The following DAB1 variants were observed in gnomAD, a reference collection of about 807,000 sequenced individuals.
DAB1 encodes disabled homolog 1.
A neutral mutation model predicts 64.6 loss-of-function variants in DAB1; 15 were observed. The observed-to-expected ratio is 0.23, with a 90% CI of 0.16 to 0.36. The LOEUF (loss-of-function observed/expected upper bound fraction) is 0.36, where lower values mean the gene tolerates loss of function less well. Ranked by LOEUF, DAB1 falls within the 10% of genes least tolerant of loss-of-function variation. The probability of loss-of-function intolerance (pLI) is 1.00; values close to 1 mark genes in which losing one functional copy is unlikely to be tolerated. For synonymous variants in DAB1, 235 were observed against 251.9 expected (o/e 0.93, Z 0.64); for missense variants, 596 against 706.7 (o/e 0.84, Z 1.78).
chr1:57,514,720 C>G (rs768330701), intron 7 of DAB1, among the ~76,000 whole-genome samples: 1 of 152,136 alleles, frequency 6.6e-6, no homozygotes, highest in Non-Finnish European at 1.5e-5. Context: ...CTGGCAATAC[C>G]AAAGAGTATA....
At chr1:57,217,617 T>C (rs533800381) in intron 2 of DAB1, among the ~76,000 whole-genome samples, 1 of 152,280 alleles carries the variant, frequency 6.6e-6, no homozygotes, top group East Asian at 1.9e-4. Flanking sequence ...AAGAGTTATT[T>C]GGCAAAACCT....
At chr1:57,731,575 C>G (rs1309996544) in intron 6 of DAB1, among the ~76,000 whole-genome samples, 1 of 152,094 alleles carries the variant, frequency 6.6e-6, no homozygotes, top group Non-Finnish European at 1.5e-5. Flanking sequence ...GAGGCCGAGG[C>G]AGGTAGATCA....
intron 5 of DAB1, among the ~76,000 whole-genome samples, chr1:57,927,482 C>A (rs974888621): frequency 6.6e-6 from 1 of 151,994 alleles, no homozygotes; most frequent in Non-Finnish European, 1.5e-5. Flanking sequence ...CTGCACTCCA[C>A]CCTGGGTGAC....
chr1:57,968,131 GA>G (rs1389222113), intron 5 of DAB1, among the ~76,000 whole-genome samples: 1 of 152,050 alleles, frequency 6.6e-6, no homozygotes, highest in African/African-American at 2.4e-5. Context: ...TTTAACAACA[GA>G]AAGTGTAAAA....
Position 58,228,627 on chromosome 1 carries a change from C to T in DAB1, n.310-78039G>A, listed in dbSNP as rs538041235. Reference sequence around the variant, plus strand: ...TGGGACCCAGATATGCCCCCTTGTGCGAGGTTCACATGCCAAAGCAAAGCA... The same window carrying T: ...TGGGACCCAGATATGCCCCCTTGTGTGAGGTTCACATGCCAAAGCAAAGCA... On this transcript the variant is annotated intron_variant and non_coding_transcript_variant, in intron 4 of 20. Transcript: ENST00000485760. 5.5e-4 allele frequency: 439 copies of T among 799,672 alleles called. 2 individuals carry two copies. The Middle Eastern group carries it at 6.1e-3, about 11-fold the overall frequency. The allele number at this position is 799,672 out of a possible 1,614,324, so 49.5% of individuals were successfully genotyped here.
intron 1 of DAB1, among the ~76,000 whole-genome samples, chr1:57,856,044 G>C (rs1412073428): frequency 6.6e-6 from 1 of 152,166 alleles, no homozygotes; most frequent in African/African-American, 2.4e-5. Context: ...AGAAACATAG[G>C]AGTAGAGAAT....
At chr1:57,319,529 C>T (rs1486122238) in intron 1 of DAB1, among the ~76,000 whole-genome samples, 1 of 152,116 alleles carries the variant, frequency 6.6e-6, no homozygotes, top group East Asian at 1.9e-4. Flanking sequence ...TTTCTTAACA[C>T]AAAACACCCC....
chr1:57,239,537 C>G (rs1269318604), intron 2 of DAB1, among the ~76,000 whole-genome samples: 1 of 152,146 alleles, frequency 6.6e-6, no homozygotes, highest in Non-Finnish European at 1.5e-5. Context: ...TCCCACGTGC[C>G]TATCTTCCAG....
intron 6 of DAB1, among the ~76,000 whole-genome samples, chr1:57,799,943 C>G (rs1400988594): frequency 6.6e-6 from 1 of 152,088 alleles, no homozygotes; most frequent in Non-Finnish European, 1.5e-5. Context: ...TACTATCTGG[C>G]CCTTTGCAGA....
At chr1:57,625,468 T>A (rs1224533835) in intron 7 of DAB1, among the ~76,000 whole-genome samples, 1 of 152,126 alleles carries the variant, frequency 6.6e-6, no homozygotes, top group Non-Finnish European at 1.5e-5. Context: ...CCTCAGGGTT[T>A]TATGGGGGAG....
chr1:57,730,918 A>G (rs1263377495), intron 6 of DAB1, among the ~76,000 whole-genome samples: 1 of 152,244 alleles, frequency 6.6e-6, no homozygotes, highest in Non-Finnish European at 1.5e-5. Context: ...ATGATATGGC[A>G]GTTCCTCACA....
At chr1:58,265,353 G>A (rs541774402) in intron 4 of DAB1, among the ~76,000 whole-genome samples, 44 of 152,272 alleles carry the variant, frequency 2.9e-4, no homozygotes, top group South Asian at 1.0e-3. Context: ...AAACTTAAGA[G>A]GAGTCTCTTA....
chr1:57,308,616 A>C (rs1674398292), intron 1 of DAB1, among the ~76,000 whole-genome samples: 1 of 152,240 alleles, frequency 6.6e-6, no homozygotes, highest in South Asian at 2.1e-4. Flanking sequence ...TCTAACTTTT[A>C]TCCAATCATT....
chr1:57,542,727 C>T (rs148247126), intron 7 of DAB1, among the ~76,000 whole-genome samples: 8 of 152,194 alleles, frequency 5.3e-5, no homozygotes, highest in Non-Finnish European at 1.2e-4. Flanking sequence ...TCACAGTATT[C>T]AGCCTCCAAG....
chr1:57,170,758 G>C (rs1661670524), intron 2 of DAB1, among the ~76,000 whole-genome samples: 1 of 152,124 alleles, frequency 6.6e-6, no homozygotes, highest in Admixed American at 6.5e-5. Flanking sequence ...AAACAAAAGG[G>C]ATCATTCTCT....
At chr1:57,058,036 C>T (rs545675577) in intron 9 of DAB1, among the ~76,000 whole-genome samples, 28 of 152,060 alleles carry the variant, frequency 1.8e-4, no homozygotes, top group African/African-American at 6.8e-4. Context: ...AAAATCCAAC[C>T]CTAGGTAGGA....
upstream of DAB1, among the ~76,000 whole-genome samples, chr1:57,424,235 C>A (rs930548103): frequency 6.6e-6 from 1 of 150,940 alleles, no homozygotes; most frequent in South Asian, 2.1e-4. Context: ...GTGAGCCCCT[C>A]GCCCCGGCCT....
chr1:58,087,414 A>G (rs559838025), intron 5 of DAB1, among the ~76,000 whole-genome samples: 1 of 152,310 alleles, frequency 6.6e-6, no homozygotes, highest in Admixed American at 6.5e-5. Context: ...CTCCATATTA[A>G]TTCTCATTAT....
At chr1:57,228,916 A>T (rs1667464967) in intron 2 of DAB1, among the ~76,000 whole-genome samples, 1 of 152,228 alleles carries the variant, frequency 6.6e-6, no homozygotes, top group Admixed American at 6.5e-5. Context: ...CATCAACATG[A>T]ATGGAACTAC....
Sources: gnomAD v4.1 joint callset for allele counts (sites outside exome capture counted in the v4.1 genomes callset) on GRCh38, gnomAD v4.1.1 for gene constraint, MANE v1.5 for transcripts, NCBI Gene and HGNC (gene_info 2026-07-23, HGNC 2026-07-21) for gene names.